IRAG2: variants seen among roughly 807,000 people sequenced by gnomAD.
IRAG2 encodes inositol 1,4,5-triphosphate receptor associated 2.
Under a neutral mutation model 69.9 loss-of-function variants are expected in IRAG2, and 45 were observed. The observed-to-expected ratio is 0.64, with a 90% CI of 0.51 to 0.83. The LOEUF (loss-of-function observed/expected upper bound fraction) is 0.83, where lower values mean the gene tolerates loss of function less well. IRAG2 is among the 40% of genes least tolerant of loss of function. The pLI is 0.00. For synonymous variants in IRAG2, 193 were observed against 202.4 expected (o/e 0.95, Z 0.40); for missense variants, 520 against 587.0 (o/e 0.89, Z 1.18).
chr12:25,062,001 G>A (rs1197417531), intron 2 of IRAG2, among the ~76,000 whole-genome samples: 8 of 152,252 alleles, frequency 5.3e-5, no homozygotes, highest in African/African-American at 1.9e-4. Flanking sequence ...ATAATATGCT[G>A]AAATTTTGAG....
At chr12:25,073,681 C>A (rs1459077730) in intron 6 of IRAG2, among the ~76,000 whole-genome samples, 1 of 152,128 alleles carries the variant, frequency 6.6e-6, no homozygotes, top group Non-Finnish European at 1.5e-5. Flanking sequence ...TTGGGACATT[C>A]TTGAGGAAGA....
At chr12:25,040,836 C>A (rs1379992234) in intron 16 of IRAG2, among the ~76,000 whole-genome samples, 1 of 152,140 alleles carries the variant, frequency 6.6e-6, no homozygotes, top group African/African-American at 2.4e-5. Context: ...CTTCCCCAAC[C>A]CCAGATGATA....
intron 12 of IRAG2, 22 bp downstream of exon 12, chr12:25,089,699 A>G (rs1361641408): frequency 6.2e-7 from 1 of 1,607,832 alleles, no homozygotes; most frequent in Non-Finnish European, 8.5e-7. Flanking sequence ...TTCATGTAGC[A>G]TGTTAACATG....
intron 2 of IRAG2, among the ~76,000 whole-genome samples, chr12:25,009,030 T>A (rs1944454537): frequency 6.6e-6 from 1 of 152,128 alleles, no homozygotes; most frequent in Non-Finnish European, 1.5e-5. Context: ...ATGCCAGACA[T>A]GGTAGCTCAT....
At chr12:25,055,408 A>G (rs181848481) in intron 1 of IRAG2, among the ~76,000 whole-genome samples, 169 of 152,316 alleles carry the variant, frequency 1.1e-3, no homozygotes, top group Middle Eastern at 3.4e-3. Context: ...ATATCCAAGT[A>G]TCTTGTTAAT....
At chr12:25,048,981 G>A (rs1427480394), upstream of IRAG2, among the ~76,000 whole-genome samples, 1 of 152,148 alleles carries the variant, frequency 6.6e-6, no homozygotes, top group Non-Finnish European at 1.5e-5. Context: ...TCTGCATGTA[G>A]CTAGCCAGTT....
At chr12:25,030,313 T>C in exon 10 of IRAG2, 5 of 1,231,680 alleles carry the variant, frequency 4.1e-6, no homozygotes, top group Admixed American at 4.2e-5. Context: ...CTTTGCTTAA[T>C]AAAGATACAA....
rs1565563056 is a variant in IRAG2 at position 25,077,299 on chromosome 12, A to ATATATGAT, written c.25-1945_25-1944insTATATGAT. Among the ~76,000 whole-genome samples the ATATATGAT allele has an allele frequency of 3.0e-4, 12 of 39,526 alleles. 2 individuals carry two copies. Among genetic ancestry groups the ATATATGAT allele is most frequent in the African/African-American group, 1.1e-3 (11 of 9,988 alleles). The allele number at this position is 39,526 out of a possible 152,430, so 25.9% of individuals were successfully genotyped here. On this transcript the variant is annotated intron_variant, in intron 6 of 21. Coordinates refer to ENST00000556887, the MANE Select transcript of IRAG2 (RefSeq NM_001366544.2). ...TGAAATATATATGATATATATATGA[A>ATATATGAT]ATATATATGATATATATGATATATA...
chr12:25,049,725 G>A (rs769262419), upstream of IRAG2, among the ~76,000 whole-genome samples: 10 of 152,182 alleles, frequency 6.6e-5, no homozygotes, highest in South Asian at 2.1e-4. Context: ...GGTGGCTCAC[G>A]CCTGTAATCC....
intron 11 of IRAG2, 118 bp downstream of exon 11, chr12:25,088,275 T>G (rs1220464010): frequency 1.3e-6 from 1 of 799,238 alleles, no homozygotes; most frequent in Non-Finnish European, 2.1e-6. Context: ...CTGGATAAGG[T>G]CAGTCAATAG....
At chr12:25,000,948 A>G (rs1306609996), upstream of IRAG2, among the ~76,000 whole-genome samples, 1 of 152,230 alleles carries the variant, frequency 6.6e-6, no homozygotes, top group Non-Finnish European at 1.5e-5. Flanking sequence ...AGGATCGAAA[A>G]TTAAAAAAGA....
rs917971522 is a variant in IRAG2, at chr12:25,020,741, C to T, written c.1215-49C>T. 42 of 886,512 alleles carry T rather than the reference C, an allele frequency of 4.7e-5. No homozygotes were observed. The East Asian group carries it at 6.0e-4, about 13-fold the overall frequency. The allele number at this position is 886,512 out of a possible 1,614,324, so 54.9% of individuals were successfully genotyped here. A position where few individuals can be genotyped will look rare whatever the true frequency, so the allele number is the denominator to read the frequency against. ...CCTTGGCTGTTCTTAGTGTCTTTGA[C>T]GGTTATATTTGAGGTTTTGCTCATG... On this transcript the variant is annotated intron_variant, in intron 6 of 38. Transcript: ENST00000636465.
intron 16 of IRAG2, among the ~76,000 whole-genome samples, chr12:25,038,453 G>A (rs1300283209): frequency 6.6e-6 from 1 of 152,162 alleles, no homozygotes; most frequent in African/African-American, 2.4e-5. Context: ...GACCAACCTG[G>A]CCAACATGGT....
intron 16 of IRAG2, among the ~76,000 whole-genome samples, chr12:25,042,455 A>G (rs1944758266): frequency 6.6e-6 from 1 of 152,126 alleles, no homozygotes; most frequent in Admixed American, 6.5e-5. Context: ...AATATCTTTA[A>G]CAGATGGTAC....
intron 17 of IRAG2, chr12:25,102,827 G>A (rs1390046783): frequency 6.6e-6 from 1 of 152,262 alleles, no homozygotes; most frequent in Admixed American, 6.5e-5. Flanking sequence ...TACTAACTAA[G>A]AAGGAAGAAT....
rs536977982 is a variant in IRAG2 at position 25,060,669 on chromosome 12, T to C, written c.-446-923T>C. ...TGAATGACCTCTAAAATGTATTTTC[T>C]TTTTTTTTTTTTTTTTTTTTTGAGA... On this transcript the variant is annotated intron_variant, in intron 1 of 21. Coordinates refer to ENST00000556887, the MANE Select transcript of IRAG2 (RefSeq NM_001366544.2). Among the ~76,000 whole-genome samples the C allele has an allele frequency of 2.1e-3, 74 of 35,930 alleles. No homozygotes were observed. In the South Asian group the frequency reaches 0.04, roughly 20 times the overall value. 23.6% of individuals were successfully genotyped at this position (35,930 alleles called of 152,430 possible). A position where few individuals can be genotyped will look rare whatever the true frequency, so the allele number is the denominator to read the frequency against.
intron 16 of IRAG2, 120 bp downstream of exon 16, chr12:25,101,445 T>G (rs1010906853): frequency 3.0e-6 from 2 of 661,888 alleles, no homozygotes; most frequent in Admixed American, 7.7e-5. Flanking sequence ...ATTAGAAAAA[T>G]AATTCATTCC....
At chr12:25,005,100 A>G (rs1944420771) in intron 1 of IRAG2, 1 of 486,842 alleles carries the variant, frequency 2.1e-6, no homozygotes, top group East Asian at 3.5e-5. Flanking sequence ...GAATACTTAG[A>G]TATAGGGGAA....
At chr12:25,099,098 C>T (rs571454881) in intron 15 of IRAG2, among the ~76,000 whole-genome samples, 76 of 152,254 alleles carry the variant, frequency 5.0e-4, no homozygotes, top group African/African-American at 1.6e-3. Flanking sequence ...TCTCCATGTG[C>T]ACGCAATCCC....
Sources: gnomAD v4.1 joint callset for allele counts (sites outside exome capture counted in the v4.1 genomes callset) on GRCh38, gnomAD v4.1.1 for gene constraint, MANE v1.5 for transcripts, NCBI Gene and HGNC (gene_info 2026-07-23, HGNC 2026-07-21) for gene names.